The following KIFC1 variants were observed in gnomAD, a reference collection of about 807,000 sequenced individuals.
KIFC1 encodes kinesin family member C1, also known as kinesin-like protein KIFC1.
Under a neutral mutation model 66.6 loss-of-function variants are expected in KIFC1, and 37 were observed. The ratio of observed to expected loss-of-function variants is 0.56; its 90% CI spans 0.43 to 0.73. The LOEUF (loss-of-function observed/expected upper bound fraction) is 0.73. Among genes scored for constraint, KIFC1 ranks in the 30% least tolerant of loss-of-function variants. KIFC1 has a pLI of 0.00. For missense variants in KIFC1, 721 were observed against 859.8 expected, an observed-to-expected ratio of 0.84 and a Z score of 2.02; for synonymous variants, 325 against 343.5, an observed-to-expected ratio of 0.95 and a Z score of 0.60.
Position 33,404,066 on chromosome 6 carries a change from GAAA to G in KIFC1, c.697_699del (p.Lys233del). 6.2e-7 allele frequency: 1 copy of G among 1,613,724 alleles called. No individual in the cohort carries two copies. The highest frequency in any genetic ancestry group is 8.5e-7 in the Non-Finnish European group (1 of 1,179,880). On this transcript the variant is annotated inframe_deletion, in exon 6 of 11. Coordinates refer to ENST00000428849, the MANE Select transcript of KIFC1 (RefSeq NM_002263.4). This position sits in a 1 kb window ranked among gnomAD's most constrained non-coding sequence, Gnocchi z 4.0. ...AGGAGGGCTTGGTGCAAGAGCTTCA[GAAA>G]AAACAGGTGGAATTGCAGGAAGAAC...
chr6:33,403,687 C>T lies in KIFC1; in HGVS notation c.356-42C>T, dbSNP rs776571386. 54 of 1,601,028 alleles carry T rather than the reference C, an allele frequency of 3.4e-5. No homozygotes were observed. Among genetic ancestry groups the T allele is most frequent in the Non-Finnish European group, 1.7e-6 (2 of 1,171,636 alleles). ...GCTAGAAGGGAGGAGGGATAGAGAG[C>T]CTAGACTTCACTGACCTTTGTCCTT... On this transcript the variant is annotated intron_variant, in intron 5 of 10. Transcript: ENST00000428849. This position sits in a 1 kb window ranked among gnomAD's most constrained non-coding sequence, Gnocchi z 4.6.
At position 33,406,765 on chromosome 6, in the gene KIFC1, C is replaced by G. The variant is rs778283306; in HGVS notation, c.1902-35C>G. Reference sequence around the variant, plus strand: ...AGACCTGTCCAGGCTCTGCTGGCCCCTAATGCTGGGGTTGGGCACATTGTC... The same window carrying G: ...AGACCTGTCCAGGCTCTGCTGGCCCGTAATGCTGGGGTTGGGCACATTGTC... On this transcript the variant is annotated intron_variant, in intron 9 of 10. Transcript: ENST00000428849. The surrounding 1 kb of genome is among the most constrained non-coding windows in gnomAD (Gnocchi z 4.5). 2.2e-5 allele frequency: 35 copies of G among 1,613,576 alleles called. No individual in the cohort carries two copies. Among genetic ancestry groups the G allele is most frequent in the Middle Eastern group, 3.3e-4 (2 of 6,084 alleles).
intron 3 of KIFC1, among the ~76,000 whole-genome samples, chr6:33,402,969 A>G (rs1775451484): frequency 6.6e-6 from 1 of 152,200 alleles, no homozygotes; most frequent in Admixed American, 6.5e-5. Context: ...CCTGGACAAC[A>G]AGTGAAACTC....
At chr6:33,394,287 T>G (rs535616973) in intron 1 of KIFC1, among the ~76,000 whole-genome samples, 1 of 152,326 alleles carries the variant, frequency 6.6e-6, no homozygotes, top group East Asian at 1.9e-4. Context: ...GATTGGATTC[T>G]GGATATATTT....
At chr6:33,393,271 G>T (rs1336272252) in intron 1 of KIFC1, among the ~76,000 whole-genome samples, 1 of 152,056 alleles carries the variant, frequency 6.6e-6, no homozygotes, top group African/African-American at 2.4e-5. Context: ...TGTGGGAAAG[G>T]AAGTCAGGTA....
intron 10 of KIFC1, 187 bp downstream of exon 10, chr6:33,407,062 G>A (rs1405945164): frequency 4.2e-6 from 6 of 1,415,698 alleles, no homozygotes; most frequent in Non-Finnish European, 5.5e-6. Context: ...TAAAAAACGG[G>A]TGATTAATTT....
At chr6:33,395,507 G>C (rs900131735) in intron 1 of KIFC1, among the ~76,000 whole-genome samples, 1 of 151,344 alleles carries the variant, frequency 6.6e-6, no homozygotes, top group Non-Finnish European at 1.5e-5. Context: ...GGTGGATGTA[G>C]GCAGGGTTGC....
Position 33,406,786 on chromosome 6 carries a change from T to C in KIFC1, c.1902-14T>C. 1.2e-6 allele frequency: 2 copies of C among 1,614,032 alleles called. No homozygotes were observed. The highest frequency in any genetic ancestry group is 1.7e-6 in the Non-Finnish European group (2 of 1,179,960). ...GCCCCTAATGCTGGGGTTGGGCACA[T>C]TGTCTTTTCATAGGCTCATGTTTGT... On this transcript the variant is annotated splice_polypyrimidine_tract_variant and intron_variant, in intron 9 of 10. Coordinates refer to ENST00000428849, the MANE Select transcript of KIFC1 (RefSeq NM_002263.4). This position sits in a 1 kb window ranked among gnomAD's most constrained non-coding sequence, Gnocchi z 4.5.
rs1050174833 is a variant in KIFC1, at chr6:33,404,547, G to C, written c.757-305G>C. On this transcript the variant is annotated intron_variant, in intron 6 of 10. Coordinates refer to ENST00000428849, the MANE Select transcript of KIFC1 (RefSeq NM_002263.4). This position sits in a 1 kb window ranked among gnomAD's most constrained non-coding sequence, Gnocchi z 4.0. ...CTCAACTTTCACTTCTGGGCATTCTGCATATGTGCTTCCCTCTTTCTGGAA... is the reference window on the plus strand; with the variant it reads ...CTCAACTTTCACTTCTGGGCATTCTCCATATGTGCTTCCCTCTTTCTGGAA... Among the ~76,000 whole-genome samples the C allele has an allele frequency of 6.6e-6, 1 of 151,986 alleles. No homozygotes were observed. Among genetic ancestry groups the C allele is most frequent in the Non-Finnish European group, 1.5e-5 (1 of 68,020 alleles).
Position 33,404,236 on chromosome 6 carries a change from C to T in KIFC1, c.756+107C>T. On this transcript the variant is annotated intron_variant, in intron 6 of 10. Transcript: ENST00000428849. This position sits in a 1 kb window ranked among gnomAD's most constrained non-coding sequence, Gnocchi z 4.0. ...AGTCTGGGCTGAGAACTCCTGAGCA[C>T]CTATCTTTAGCAGTATAGGTGCTGC... The T allele has an allele frequency of 9.0e-7, 1 of 1,105,888 alleles. No homozygotes were observed. Among genetic ancestry groups the T allele is most frequent in the Non-Finnish European group, 1.3e-6 (1 of 776,426 alleles). 68.5% of individuals were successfully genotyped at this position (1,105,888 alleles called of 1,614,324 possible).
At chr6:33,402,966 A>G (rs1775451061) in intron 3 of KIFC1, among the ~76,000 whole-genome samples, 1 of 152,198 alleles carries the variant, frequency 6.6e-6, no homozygotes, top group African/African-American at 2.4e-5. Context: ...CAGCCTGGAC[A>G]ACAAGTGAAA....
Position 33,404,884 on chromosome 6 carries a change from A to T in KIFC1, c.789A>T (p.Ser263=). 6.2e-7 allele frequency: 1 copy of T among 1,613,084 alleles called. No individual in the cohort carries two copies. The highest frequency in any genetic ancestry group is 8.5e-7 in the Non-Finnish European group (1 of 1,179,408). Residue 263 remains serine (S), a synonymous_variant, in exon 7 of 11, where the codon TCA becomes TCT. Coordinates refer to ENST00000428849, the MANE Select transcript of KIFC1 (RefSeq NM_002263.4). The surrounding 1 kb of genome is among the most constrained non-coding windows in gnomAD (Gnocchi z 4.0). ...TGCAGACATCAGAAGCAGCCCTGTC[A>T]AGCAGCCAAGCAGAGGTGGCATCTC... The part of the protein sequence containing the change: ...RRLQTSEAAL[S]SSQAEVASLR...
In KIFC1 at chr6:33,405,043, G is replaced by C. The variant is rs1775568963; in HGVS notation, c.948G>C (p.Arg316=). The C allele has an allele frequency of 6.2e-7, 1 of 1,613,944 alleles. No individual in the cohort carries two copies. The highest frequency in any genetic ancestry group is 1.3e-5 in the African/African-American group (1 of 74,914). Residue 316 remains arginine (R), a synonymous_variant, in exon 7 of 11, where the codon CGG becomes CGC. Coordinates refer to ENST00000428849, the MANE Select transcript of KIFC1 (RefSeq NM_002263.4). This position sits in a 1 kb window ranked among gnomAD's most constrained non-coding sequence, Gnocchi z 5.4. ...ELKGNIRVFC[R]VRPVLPGEPT... is the part of the protein sequence containing the mutation. ...AGGGCAACATCCGTGTATTCTGCCGGGTCCGCCCTGTCCTGCCGGGGGAGC... is the reference window on the plus strand; with the variant it reads ...AGGGCAACATCCGTGTATTCTGCCGCGTCCGCCCTGTCCTGCCGGGGGAGC...
At chr6:33,397,103 T>C (rs211461) in intron 1 of KIFC1, among the ~76,000 whole-genome samples, 139,827 of 150,440 alleles carry the variant, frequency 0.93, 65,099 homozygotes, top group East Asian at 1. Context: ...TTCTCCTCCT[T>C]GGCCTCCCAA....
At chr6:33,394,352 AAGAG>A (rs1258577234) in intron 1 of KIFC1, among the ~76,000 whole-genome samples, 1 of 152,232 alleles carries the variant, frequency 6.6e-6, no homozygotes, top group Admixed American at 6.5e-5. Context: ...ATGTAGGAGA[AAGAG>A]AGGACTCTGG....
rs1024025412 is a variant in KIFC1, at chr6:33,404,390, C to G, written c.756+261C>G. ...TTAGATCTGTGTCTTTCTTAGTCCT[C>G]CATCCCTCTTTCTTTGGGTTCCCAT... On this transcript the variant is annotated intron_variant, in intron 6 of 10. Transcript: ENST00000428849. This position sits in a 1 kb window ranked among gnomAD's most constrained non-coding sequence, Gnocchi z 4.0. Among the ~76,000 whole-genome samples, 1 of 152,188 alleles carries G rather than the reference C, an allele frequency of 6.6e-6. No homozygotes were observed. The highest frequency in any genetic ancestry group is 1.5e-5 in the Non-Finnish European group (1 of 68,036).
Position 33,409,658 on chromosome 6 carries a change from G to GT in KIFC1, c.1992dup (p.Ile665TyrfsTer62). On this transcript the variant is annotated frameshift_variant, in exon 11 of 11. Coordinates refer to ENST00000428849, the MANE Select transcript of KIFC1 (RefSeq NM_002263.4). LOFTEE classifies it high-confidence loss of function. ...CCCCTGCCCCCAGGTGAACCAGTGT[G>GT]TTATTGGTACTGCTCAGGCCAACAG... 1 of 1,612,524 alleles carries GT rather than the reference G, an allele frequency of 6.2e-7. No individual in the cohort carries two copies. The highest frequency in any genetic ancestry group is 8.5e-7 in the Non-Finnish European group (1 of 1,179,540).
chr6:33,404,771 C>T lies in KIFC1; in HGVS notation c.757-81C>T. 1 of 1,360,952 alleles carries T rather than the reference C, an allele frequency of 7.3e-7. No homozygotes were observed. Among genetic ancestry groups the T allele is most frequent in the Non-Finnish European group, 1.0e-6 (1 of 992,044 alleles). The allele number at this position is 1,360,952 out of a possible 1,614,324, so 84.3% of individuals were successfully genotyped here. ...CTTTTGAGCAGGGACCTCACTTCCA[C>T]CCACTCCATACGCCCCACAGTTTGT... On this transcript the variant is annotated intron_variant, in intron 6 of 10. Coordinates refer to ENST00000428849, the MANE Select transcript of KIFC1 (RefSeq NM_002263.4). This position sits in a 1 kb window ranked among gnomAD's most constrained non-coding sequence, Gnocchi z 4.0.
At position 33,404,209 on chromosome 6, in the gene KIFC1, C is replaced by G. The variant is rs548610121; in HGVS notation, c.756+80C>G. 2 of 1,404,574 alleles carry G rather than the reference C, an allele frequency of 1.4e-6. No individual in the cohort carries two copies. The highest frequency in any genetic ancestry group is 1.9e-4 in the Middle Eastern group (1 of 5,396). The allele number at this position is 1,404,574 out of a possible 1,614,324, so 87.0% of individuals were successfully genotyped here. On this transcript the variant is annotated intron_variant, in intron 6 of 10. Transcript: ENST00000428849. This position sits in a 1 kb window ranked among gnomAD's most constrained non-coding sequence, Gnocchi z 4.0. Reference sequence around the variant, plus strand: ...CCTCCCCTCCCTTCCAGGTACCCCTCAAGTCTGGGCTGAGAACTCCTGAGC... The same window carrying G: ...CCTCCCCTCCCTTCCAGGTACCCCTGAAGTCTGGGCTGAGAACTCCTGAGC...
Sources: allele counts gnomAD v4.1 joint callset (sites outside exome capture counted in the v4.1 genomes callset), GRCh38; gene constraint gnomAD v4.1.1; non-coding constraint Gnocchi (gnomAD v3.1); transcripts MANE v1.5; gene names NCBI Gene and HGNC (gene_info 2026-07-23, HGNC 2026-07-21).